The following NOX3 variants were observed in gnomAD, a reference collection of about 807,000 sequenced individuals.
NOX3 encodes NADPH oxidase catalytic subunit-like 3.
A neutral mutation model predicts 76.7 loss-of-function variants in NOX3; 74 were observed. The ratio of observed to expected loss-of-function variants is 0.96; its 90% confidence interval spans 0.80 to 1.17. The LOEUF (loss-of-function observed/expected upper bound fraction) is 1.17, where lower values mean the gene tolerates loss of function less well. NOX3 is among the 50% of genes most tolerant of loss of function. The pLI is 0.00. For synonymous variants in NOX3, 263 were observed against 261.1 expected, an observed-to-expected ratio of 1.01 and a Z score of -0.07; for missense variants, 695 against 703.3, an observed-to-expected ratio of 0.99 and a Z score of 0.13.
intron 4 of NOX3, among the ~76,000 whole-genome samples, chr6:155,447,620 TTAAA>T (rs1412627943): frequency 6.6e-6 from 1 of 152,222 alleles, no homozygotes; most frequent in East Asian, 1.9e-4. Flanking sequence ...GTCACACACT[TTAAA>T]GTTCATGTCT....
intron 9 of NOX3, 126 bp from the exon 10 acceptor site, chr6:155,422,982 C>T (rs1294846382): frequency 3.4e-6 from 3 of 873,978 alleles, no homozygotes; most frequent in African/African-American, 3.4e-5. Flanking sequence ...TGACTCTGTG[C>T]CTGAAAATGC....
chr6:155,450,869 C>A (rs1383328107), intron 4 of NOX3, among the ~76,000 whole-genome samples: 2 of 152,116 alleles, frequency 1.3e-5, no homozygotes, highest in Non-Finnish European at 2.9e-5. Context: ...CTTGGTCAGG[C>A]TAAGGGCTTT....
intron 10 of NOX3, among the ~76,000 whole-genome samples, chr6:155,413,694 T>C (rs1776584986): frequency 6.6e-6 from 1 of 152,210 alleles, no homozygotes; most frequent in South Asian, 2.1e-4. Context: ...ATCTACTGGC[T>C]GAATTAATGC....
At chr6:155,419,453 A>T (rs1776661448) in intron 10 of NOX3, among the ~76,000 whole-genome samples, 1 of 152,178 alleles carries the variant, frequency 6.6e-6, no homozygotes, top group South Asian at 2.1e-4. Flanking sequence ...TCATGGTCCT[A>T]TGCAAAGCTA....
rs146035832 is a variant in NOX3 at position 155,428,678 on chromosome 6, A to C, written c.1145+116T>G. ...TACACACATTCTCAAATTTAGACAC[A>C]GTCTCAAACTCACCATTTAATAAAG... On this transcript the variant is annotated intron_variant, in intron 9 of 13. Coordinates refer to ENST00000159060, the MANE Select transcript of NOX3 (RefSeq NM_015718.3). 130 of 951,062 alleles carry C rather than the reference A, an allele frequency of 1.4e-4. 1 individual carries two copies. The African/African-American group carries it at 1.9e-3, about 14-fold the overall frequency. The allele number at this position is 951,062 out of a possible 1,614,324, so 58.9% of individuals were successfully genotyped here.
chr6:155,413,852 G>A (rs1010272539), intron 10 of NOX3, among the ~76,000 whole-genome samples: 1 of 152,018 alleles, frequency 6.6e-6, no homozygotes, highest in Admixed American at 6.5e-5. Flanking sequence ...ATTCATAGAT[G>A]GATAATAAAC....
rs1039052507 is a variant in NOX3, at chr6:155,440,012, C to T, written c.612G>A (p.Trp204Ter). ...FIRQASYELFWYTHHVFIVFF... is the reference protein window; with the variant it reads ...FIRQASYELF ...AGACGATGAAAACATGGTGTGTGTA[C>T]CAGAACAACTCATAGGAGGCCTGTC... The change falls in exon 6 of 14, where the codon TGG becomes TGA. Residue 204 changes from tryptophan to a stop codon, truncating the protein, a stop_gained. Coordinates refer to ENST00000159060, the MANE Select transcript of NOX3 (RefSeq NM_015718.3). LOFTEE classifies it high-confidence loss of function. 1.2e-6 allele frequency: 2 copies of T among 1,613,890 alleles called. No individual in the cohort carries two copies. Among genetic ancestry groups the T allele is most frequent in the African/African-American group, 2.7e-5 (2 of 74,868 alleles).
chr6:155,408,954 G>A (rs2294672), intron 11 of NOX3, among the ~76,000 whole-genome samples: 9 of 151,538 alleles, frequency 5.9e-5, no homozygotes, highest in South Asian at 2.1e-4. Context: ...GCTCCAAAAG[G>A]GGGGGAGGGT....
chr6:155,411,085 T>A, intron 11 of NOX3, 129 bp downstream of exon 11: 1 of 679,194 alleles, frequency 1.5e-6, no homozygotes. Context: ...TATTCTCCTT[T>A]CCCTTTTAAG....
At chr6:155,438,504 G>C (rs1351265751) in intron 6 of NOX3, among the ~76,000 whole-genome samples, 1 of 152,202 alleles carries the variant, frequency 6.6e-6, no homozygotes, top group Admixed American at 6.5e-5. Flanking sequence ...ATGTGTTTCT[G>C]TCCACCAGCT....
chr6:155,418,674 G>A (rs1052804572), intron 10 of NOX3, among the ~76,000 whole-genome samples: 3 of 143,168 alleles, frequency 2.1e-5, no homozygotes, highest in Non-Finnish European at 4.5e-5. Flanking sequence ...TACTACTTAT[G>A]ACGCTTCCCA....
Position 155,422,657 on chromosome 6 carries a change from T to G in NOX3, c.1308+37A>C, listed in dbSNP as rs766033898. The G allele has an allele frequency of 5.1e-5, 81 of 1,603,326 alleles. No individual in the cohort carries two copies. The South Asian group carries it at 8.9e-4, about 18-fold the overall frequency. ...ATAGATATAAGGACATTGAACCTTT[T>G]AATCCATGGAAGGGTGAACTAATGA... On this transcript the variant is annotated intron_variant, in intron 10 of 13. Coordinates refer to ENST00000159060, the MANE Select transcript of NOX3 (RefSeq NM_015718.3).
chr6:155,407,391 G>A (rs1015006189), intron 11 of NOX3, 137 bp from the exon 12 acceptor site: 3 of 804,752 alleles, frequency 3.7e-6, no homozygotes, highest in Admixed American at 2.8e-5. Flanking sequence ...ATCACTATTT[G>A]CAGATGTCTC....
At chr6:155,423,612 C>T (rs1004670980) in intron 9 of NOX3, among the ~76,000 whole-genome samples, 1 of 152,168 alleles carries the variant, frequency 6.6e-6, no homozygotes, top group Non-Finnish European at 1.5e-5. Context: ...CTGGTTCTCA[C>T]ACTGGTGAGA....
intron 12 of NOX3, among the ~76,000 whole-genome samples, chr6:155,400,471 A>G (rs1779207863): frequency 6.6e-6 from 1 of 152,242 alleles, no homozygotes; most frequent in African/African-American, 2.4e-5. Flanking sequence ...GGAGGCTTAG[A>G]AAGAAGATGA....
chr6:155,439,055 A>G (rs1776947019), intron 6 of NOX3, among the ~76,000 whole-genome samples: 1 of 152,168 alleles, frequency 6.6e-6, no homozygotes, highest in South Asian at 2.1e-4. Flanking sequence ...TTTATTCATC[A>G]TGGGACCTTG....
chr6:155,455,806 T>A lies in NOX3; in HGVS notation c.-6A>T, dbSNP rs770078368. 1.2e-6 allele frequency: 2 copies of A among 1,613,810 alleles called. No individual in the cohort carries two copies. Among genetic ancestry groups the A allele is most frequent in the African/African-American group, 2.7e-5 (2 of 75,052 alleles). ...AAAATCCAGCACCCCATCATGATAC[T>A]TGTTGCTCTTCGGCTGTCAGGAAAT... is the stretch of plus-strand genomic sequence containing the variant. On this transcript the variant is annotated 5_prime_UTR_variant, in exon 1 of 14. It adds an upstream start codon to the 5' untranslated region. Transcript: ENST00000159060.
At chr6:155,401,517 T>G (rs1480087219) in intron 12 of NOX3, among the ~76,000 whole-genome samples, 1 of 152,220 alleles carries the variant, frequency 6.6e-6, no homozygotes, top group Non-Finnish European at 1.5e-5. Context: ...TTTGCACATA[T>G]GCACATACAA....
chr6:155,411,690 C>A (rs533881342), intron 10 of NOX3, among the ~76,000 whole-genome samples: 27 of 152,348 alleles, frequency 1.8e-4, no homozygotes, highest in African/African-American at 6.3e-4. Flanking sequence ...GTGCCTTTCA[C>A]TGCTCCCAAA....
Sources: allele counts gnomAD v4.1 joint callset (sites outside exome capture counted in the v4.1 genomes callset), GRCh38; gene constraint gnomAD v4.1.1; transcripts MANE v1.5; gene names NCBI Gene and HGNC (gene_info 2026-07-23, HGNC 2026-07-21).